The following AKAP11 variants were observed in gnomAD, a reference collection of about 807,000 sequenced individuals.
The protein encoded by AKAP11 is A-kinase anchoring protein 11.
In AKAP11, 36 loss-of-function variants were observed where a neutral mutation model predicts 146.1. The observed-to-expected ratio is 0.25, with a 90% CI of 0.19 to 0.33. The LOEUF is 0.33. Ranked by LOEUF, AKAP11 falls within the 10% of genes least tolerant of loss-of-function variation. The pLI is 1.00. For missense variants in AKAP11, 2,201 were observed against 2,197.0 expected, an observed-to-expected ratio of 1.00 and a Z score of -0.04; for synonymous variants, 780 against 786.5, an observed-to-expected ratio of 0.99 and a Z score of 0.14.
chr13:42,302,130 A>G lies in AKAP11; in HGVS notation c.3384A>G (p.Leu1128=), dbSNP rs1264512301. Residue 1128 remains leucine, a synonymous_variant, in exon 8 of 13, where the codon TTA becomes TTG. Coordinates refer to ENST00000025301, the MANE Select transcript of AKAP11 (RefSeq NM_016248.4). ...TAACTAAAAAGCTCAAGGGAGAATT[A>G]GCCAAAGAGTTTGCACCTGCTACAC... ...KKLTKKLKGE[L]AKEFAPATPP... is the part of the protein sequence containing the mutation. The G allele has an allele frequency of 1.9e-6, 3 of 1,614,244 alleles. No individual in the cohort carries two copies. The highest frequency in any genetic ancestry group is 4.5e-5 in the East Asian group (2 of 44,890).
rs1402315014 is a variant in AKAP11, at chr13:42,277,872, G to A, written c.-100+5644G>A. 3.9e-5 allele frequency among the ~76,000 whole-genome samples: 6 copies of A among 152,210 alleles called. No individual in the cohort carries two copies. The South Asian group carries it at 1.0e-3, about 26-fold the overall frequency. On this transcript the variant is annotated intron_variant, in intron 1 of 12. Coordinates refer to ENST00000025301, the MANE Select transcript of AKAP11 (RefSeq NM_016248.4). ...CGCTTGGTGAATGTATGTGTTGAACGTTGGTAGTACTTACAGTCCAGTGCA... is the reference window on the plus strand; with the variant it reads ...CGCTTGGTGAATGTATGTGTTGAACATTGGTAGTACTTACAGTCCAGTGCA...
chr13:42,287,725 T>C (rs1188838845), intron 3 of AKAP11, among the ~76,000 whole-genome samples: 2 of 152,262 alleles, frequency 1.3e-5, no homozygotes, highest in Non-Finnish European at 2.9e-5. Context: ...GTATTTATTA[T>C]ACTTTTTCAG....
rs1323677107 is a variant in AKAP11, at chr13:42,320,522, C to T, written c.*1294C>T. On this transcript the variant is annotated 3_prime_UTR_variant, in exon 13 of 13. Coordinates refer to ENST00000025301, the MANE Select transcript of AKAP11 (RefSeq NM_016248.4). ...CCTCCCACTCTCTTCCCCCTCCCCC[C>T]TCCTCCCACTGTCTCTCACCTCCCC... 1 of 148,440 alleles carries T rather than the reference C, an allele frequency of 6.7e-6. No individual in the cohort carries two copies. Among genetic ancestry groups the T allele is most frequent in the Non-Finnish European group, 1.5e-5 (1 of 66,956 alleles). The allele number at this position is 148,440 out of a possible 1,614,324, so 9.2% of individuals were successfully genotyped here. A position where few individuals can be genotyped will look rare whatever the true frequency, so the allele number is the denominator to read the frequency against.
In AKAP11 at chr13:42,286,330, T is replaced by G; in HGVS notation, c.-19T>G. The G allele has an allele frequency of 6.3e-7, 1 of 1,576,474 alleles. No individual in the cohort carries two copies. The highest frequency in any genetic ancestry group is 8.6e-7 in the Non-Finnish European group (1 of 1,157,208). On this transcript the variant is annotated 5_prime_UTR_variant, in exon 3 of 13. Coordinates refer to ENST00000025301, the MANE Select transcript of AKAP11 (RefSeq NM_016248.4). ...TTGTGGATTAACTCTTCATTGATTA[T>G]ATACAACAAAAAATAGTTATGGCGA... is the stretch of plus-strand genomic sequence containing the variant.
In AKAP11 at chr13:42,302,118, C is replaced by T; in HGVS notation, c.3372C>T (p.Leu1124=). 6.2e-7 allele frequency: 1 copy of T among 1,614,154 alleles called. No homozygotes were observed. Among genetic ancestry groups the T allele is most frequent in the Non-Finnish European group, 8.5e-7 (1 of 1,180,016 alleles). ...ATATCAAGAAGTTAACTAAAAAGCT[C>T]AAGGGAGAATTAGCCAAAGAGTTTG... ...EWDIKKLTKK[L]KGELAKEFAP... is the part of the protein sequence containing the mutation. Residue 1124 remains leucine (L), a synonymous_variant, in exon 8 of 13, where the codon CTC becomes CTT. Coordinates refer to ENST00000025301, the MANE Select transcript of AKAP11 (RefSeq NM_016248.4).
chr13:42,303,615 T>G lies in AKAP11; in HGVS notation c.4869T>G (p.Phe1623Leu), dbSNP rs201849831. 8.8e-4 allele frequency: 1,424 copies of G among 1,614,198 alleles called. 25 individuals are homozygous for G. In the South Asian group the frequency reaches 0.015, roughly 17 times the overall value. ...GTAAGCCAGCTTCTAATCCAAAATT[T>G]AGCAGCCGCTATCAGAAATCTAGGA... Reference protein sequence around the residue: ...ASSKPASNPKFSSRYQKSRIF... With the variant: ...ASSKPASNPKLSSRYQKSRIF... The change falls in exon 8 of 13, where the codon TTT becomes TTG. Residue 1623 changes from phenylalanine (F) to leucine (L), a missense_variant. Transcript: ENST00000025301.
Position 42,300,784 on chromosome 13 carries a change from G to T in AKAP11, c.2038G>T (p.Asp680Tyr). 6.2e-7 allele frequency: 1 copy of T among 1,614,108 alleles called. No homozygotes were observed. The highest frequency in any genetic ancestry group is 8.5e-7 in the Non-Finnish European group (1 of 1,179,970). Residue 680 changes from aspartate (D) to tyrosine (Y), a missense_variant, in exon 8 of 13, where the codon GAC (aspartate) becomes TAC (tyrosine). Asp to Tyr is a radical substitution (Grantham distance 160). Coordinates refer to ENST00000025301, the MANE Select transcript of AKAP11 (RefSeq NM_016248.4). ...TPASPQCGSF[D>Y]FEDKVVKLYA... ...TGCATCTCCACAGTGTGGGTCGTTT[G>T]ACTTTGAAGACAAAGTAGTGAAGTT...
intron 9 of AKAP11, among the ~76,000 whole-genome samples, chr13:42,310,885 T>C (rs566676332): frequency 7.7e-4 from 117 of 151,826 alleles, no homozygotes; most frequent in Admixed American, 2.4e-3. Flanking sequence ...CTGTGACAAT[T>C]TGAAAACACC....
chr13:42,292,404 T>C lies in AKAP11; in HGVS notation c.71T>C (p.Phe24Ser), dbSNP rs780356893. The C allele has an allele frequency of 1.2e-5, 19 of 1,579,722 alleles. No individual in the cohort carries two copies. The highest frequency in any genetic ancestry group is 1.6e-5 in the Non-Finnish European group (18 of 1,155,940). Residue 24 changes from phenylalanine to serine, a missense_variant, in exon 4 of 13, where the codon TTC becomes TCC. Phe to Ser is a radical substitution (Grantham distance 155, BLOSUM62 -2). Coordinates refer to ENST00000025301, the MANE Select transcript of AKAP11 (RefSeq NM_016248.4). ...CTGCAGAGCTTCAGTGAAGATGTGT[T>C]CCAGTCTGTAAAGTCTTTATTGCAG... ...SVRKSFSEDV[F>S]QSVKSLLQSQ...
Position 42,302,942 on chromosome 13 carries a change from C to G in AKAP11, c.4196C>G (p.Pro1399Arg). The G allele has an allele frequency of 6.2e-7, 1 of 1,613,680 alleles. No homozygotes were observed. The highest frequency in any genetic ancestry group is 8.5e-7 in the Non-Finnish European group (1 of 1,179,954). Residue 1399 changes from proline to arginine, a missense_variant, in exon 8 of 13, where the codon CCA becomes CGA. Coordinates refer to ENST00000025301, the MANE Select transcript of AKAP11 (RefSeq NM_016248.4). Reference protein sequence around the residue: ...VQCNSRMFPVPSSQVKTNKEL... With the variant: ...VQCNSRMFPVRSSQVKTNKEL... Reference sequence around the variant, plus strand: ...TGCAACTCAAGAATGTTCCCTGTGCCAAGTTCACAAGTGAAAACAAACAAG... The same window carrying G: ...TGCAACTCAAGAATGTTCCCTGTGCGAAGTTCACAAGTGAAAACAAACAAG...
intron 1 of AKAP11, among the ~76,000 whole-genome samples, chr13:42,283,405 T>C (rs1195096751): frequency 6.6e-6 from 1 of 152,214 alleles, no homozygotes; most frequent in Non-Finnish European, 1.5e-5. Context: ...TTTATGTATA[T>C]TGTATGTTGT....
intron 8 of AKAP11, among the ~76,000 whole-genome samples, chr13:42,308,151 C>G (rs1960366126): frequency 6.6e-6 from 1 of 152,194 alleles, no homozygotes. Flanking sequence ...CCCATGGTAT[C>G]TCAGTTGAAA....
intron 1 of AKAP11, among the ~76,000 whole-genome samples, chr13:42,277,022 T>C (rs965401265): frequency 1.3e-5 from 2 of 152,250 alleles, no homozygotes; most frequent in Non-Finnish European, 2.9e-5. Flanking sequence ...AGCATATTCA[T>C]GTTGAAAGCA....
chr13:42,297,258 T>A, intron 6 of AKAP11, 76 bp downstream of exon 6: 1 of 1,124,934 alleles, frequency 8.9e-7, no homozygotes, highest in Non-Finnish European at 1.2e-6. Flanking sequence ...ATTAAACTTT[T>A]AAATGCTTGG....
chr13:42,300,080 G>C lies in AKAP11; in HGVS notation c.1334G>C (p.Gly445Ala), dbSNP rs370736511. ...RPVKASREDSGLFSPIRSSAF... is the reference protein window; with the variant it reads ...RPVKASREDSALFSPIRSSAF... ...GTGAAGGCATCAAGGGAAGATAGTG[G>C]TTTATTTAGTCCTATTCGATCCTCT... The change falls in exon 8 of 13, where the codon GGT (glycine) becomes GCT (alanine). Residue 445 changes from glycine to alanine, a missense_variant. By Grantham distance (60) the Gly-to-Ala change is moderately conservative. Transcript: ENST00000025301. The C allele has an allele frequency of 1.2e-6, 2 of 1,613,778 alleles. No homozygotes were observed. The highest frequency in any genetic ancestry group is 2.7e-5 in the African/African-American group (2 of 74,906).
In AKAP11 at chr13:42,301,681, C is replaced by G; in HGVS notation, c.2935C>G (p.Gln979Glu). ...CTTGCCTGTTTCTGGAGAAGAATCA[C>G]AGTTGACACCAGAAAAGTCTCCCAA... ...ESLPVSGEESQLTPEKSPKFP... is the reference protein window; with the variant it reads ...ESLPVSGEESELTPEKSPKFP... Residue 979 changes from glutamine to glutamate, a missense_variant, in exon 8 of 13, where the codon CAG (glutamine) becomes GAG (glutamate). This residue lies in a region of AKAP11 where 1,867 missense variants were observed against 1,833.5 expected (regional missense o/e 1.02). Transcript: ENST00000025301. 1 of 1,614,150 alleles carries G rather than the reference C, an allele frequency of 6.2e-7. No homozygotes were observed. Among genetic ancestry groups the G allele is most frequent in the Non-Finnish European group, 8.5e-7 (1 of 1,180,002 alleles).
Position 42,297,065 on chromosome 13 carries a change from T to A in AKAP11, c.234T>A (p.Ser78=), listed in dbSNP as rs201798756. 1.9e-6 allele frequency: 3 copies of A among 1,591,062 alleles called. No individual in the cohort carries two copies. The highest frequency in any genetic ancestry group is 2.6e-6 in the Non-Finnish European group (3 of 1,171,312). The part of the protein sequence containing the change: ...AAHIQDLAAV[S]LELPDILNSL... ...TAAATCAGGATTTAGCTGCAGTTTC[T>A]TTGGAACTTCCAGATATTCTGAATT... Residue 78 remains serine, a synonymous_variant, in exon 6 of 13, where the codon TCT becomes TCA. Transcript: ENST00000025301.
At position 42,302,609 on chromosome 13, in the gene AKAP11, A is replaced by G; in HGVS notation, c.3863A>G (p.Asn1288Ser). The change falls in exon 8 of 13, where the codon AAC becomes AGC. Residue 1288 changes from asparagine (N) to serine (S), a missense_variant. Transcript: ENST00000025301. ...RNCMLFKQKKNSCYADGDEDY... is the reference protein window; with the variant it reads ...RNCMLFKQKKSSCYADGDEDY... ...TGTATGCTTTTCAAGCAAAAGAAGA[A>G]CAGTTGTTATGCTGATGGTGACGAA... 3 of 1,614,190 alleles carry G rather than the reference A, an allele frequency of 1.9e-6. No homozygotes were observed. Among genetic ancestry groups the G allele is most frequent in the Middle Eastern group, 1.6e-4 (1 of 6,062 alleles).
intron 1 of AKAP11, among the ~76,000 whole-genome samples, chr13:42,283,137 A>G (rs533523794): frequency 2.6e-5 from 4 of 152,272 alleles, no homozygotes; most frequent in Non-Finnish European, 5.9e-5. Context: ...AAAGTATGTC[A>G]TATCATCTCA....
Sources: gnomAD v4.1 joint callset for allele counts (sites outside exome capture counted in the v4.1 genomes callset) on GRCh38, gnomAD v4.1.1 for gene constraint, gnomAD v4.1.1 regional missense constraint, MANE v1.5 for transcripts, NCBI Gene and HGNC (gene_info 2026-07-23, HGNC 2026-07-21) for gene names.